Variants in UGT1A10 observed in about 807,000 individuals in gnomAD.
UGT1A10 encodes the protein UDP-glucuronosyltransferase 1A10.
A neutral mutation model predicts 45.8 loss-of-function variants in UGT1A10; 49 were observed. The ratio of observed to expected loss-of-function variants is 1.07; its 90% CI spans 0.85 to 1.36. The LOEUF (loss-of-function observed/expected upper bound fraction) is 1.36. Among genes scored for constraint, UGT1A10 ranks in the 40% most tolerant of loss-of-function variants. The probability of loss-of-function intolerance (pLI) is 0.00; values close to 1 mark genes in which losing one functional copy is unlikely to be tolerated. For synonymous variants in UGT1A10, 284 were observed against 249.7 expected (o/e 1.14, Z -1.29); for missense variants, 745 against 668.6 (o/e 1.11, Z -1.26).
chr2:233,742,149 G>A (rs1392863105), intron 1 of UGT1A10, among the ~76,000 whole-genome samples: 1 of 151,848 alleles, frequency 6.6e-6, no homozygotes, highest in Non-Finnish European at 1.5e-5. Context: ...AGCGCTAGAC[G>A]AATTAAAGAC....
intron 1 of UGT1A10, chr2:233,682,378 C>T (rs763404567): frequency 7.4e-6 from 12 of 1,613,940 alleles, no homozygotes; most frequent in South Asian, 1.1e-5. Flanking sequence ...CAGTGTTTCT[C>T]GATCCTTTTG....
In UGT1A10 at chr2:233,768,227, G is replaced by A. The variant is rs751408172; in HGVS notation, c.1083G>A (p.Pro361=). The part of the protein sequence containing the change: ...WLPQNDLLGH[P]MTRAFITHAG... The stretch of plus-strand genomic sequence containing the variant: ...CCCTATTTTGCATCTCAGGTCACCC[G>A]ATGACCCGTGCCTTTATCACCCATG... Residue 361 remains proline, a synonymous_variant, in exon 4 of 5, where the codon CCG becomes CCA. Transcript: ENST00000344644. 1.3e-5 allele frequency: 21 copies of A among 1,614,014 alleles called. No individual in the cohort carries two copies. The highest frequency in any genetic ancestry group is 8.3e-5 in the Admixed American group (5 of 59,996).
chr2:233,753,174 A>G (rs1695146972), intron 1 of UGT1A10: 2 of 152,226 alleles, frequency 1.3e-5, no homozygotes, highest in South Asian at 4.1e-4. Context: ...ATCACTAAAA[A>G]ATGAACTCAT....
chr2:233,724,364 G>C (rs1172748596), intron 1 of UGT1A10, among the ~76,000 whole-genome samples: 12 of 145,710 alleles, frequency 8.2e-5, no homozygotes, highest in Non-Finnish European at 1.2e-4. Flanking sequence ...CCTCCCGGAC[G>C]GGGTGGCTGC....
At chr2:233,690,520 G>T (rs899675613) in intron 1 of UGT1A10, 2 of 1,289,308 alleles carry the variant, frequency 1.6e-6, no homozygotes, top group Non-Finnish European at 2.0e-6. Context: ...TTTATCTTAG[G>T]ATCTACTTCT....
chr2:233,711,548 T>C (rs532543764), intron 1 of UGT1A10, among the ~76,000 whole-genome samples: 27 of 152,192 alleles, frequency 1.8e-4, no homozygotes, highest in Non-Finnish European at 3.4e-4. Context: ...CATCCTCCCC[T>C]GGAGAGTTCC....
chr2:233,765,069 C>A (rs1391556696), intron 1 of UGT1A10, among the ~76,000 whole-genome samples: 2 of 152,082 alleles, frequency 1.3e-5, no homozygotes, highest in Non-Finnish European at 2.9e-5. Context: ...CAGAGGTCTC[C>A]TGTGTCTCAC....
intron 1 of UGT1A10, among the ~76,000 whole-genome samples, chr2:233,714,659 C>A (rs2076403929): frequency 6.6e-6 from 1 of 152,156 alleles, no homozygotes; most frequent in Admixed American, 6.5e-5. Flanking sequence ...TTTTATTTAA[C>A]CAGATGTATC....
intron 4 of UGT1A10, 114 bp downstream of exon 4, chr2:233,768,553 AT>A (rs1280927222): frequency 2.3e-5 from 34 of 1,477,264 alleles, no homozygotes; most frequent in Non-Finnish European, 2.9e-5. Context: ...ATAAAAACAA[AT>A]ACATAAAAAT....
intron 1 of UGT1A10, among the ~76,000 whole-genome samples, chr2:233,699,316 A>G (rs1346497973): frequency 6.6e-6 from 1 of 151,896 alleles, no homozygotes; most frequent in African/African-American, 2.4e-5. Context: ...CCTTTTTGCT[A>G]TTTTGTTGAG....
intron 1 of UGT1A10, among the ~76,000 whole-genome samples, chr2:233,669,835 C>A (rs1575413694): frequency 2.0e-5 from 3 of 152,198 alleles, no homozygotes; most frequent in Non-Finnish European, 4.4e-5. Flanking sequence ...AGGCATGCAC[C>A]ACCACCTGCA....
chr2:233,645,897 T>C (rs2073589160), intron 1 of UGT1A10, among the ~76,000 whole-genome samples: 1 of 152,230 alleles, frequency 6.6e-6, no homozygotes, highest in Non-Finnish European at 1.5e-5. Context: ...AGTCCCCCAG[T>C]TGTTGCTCTG....
At chr2:233,646,667 G>A (rs1182631019) in intron 1 of UGT1A10, among the ~76,000 whole-genome samples, 1 of 152,148 alleles carries the variant, frequency 6.6e-6, no homozygotes, top group Non-Finnish European at 1.5e-5. Flanking sequence ...TTCCCAACGA[G>A]TTCCTCATCT....
chr2:233,767,781 T>C (rs1559414457), intron 2 of UGT1A10, 68 bp from the exon 3 acceptor site: 3 of 1,613,388 alleles, frequency 1.9e-6, no homozygotes, highest in East Asian at 2.2e-5. Context: ...TTCTAGTTAG[T>C]ATAGCAGATT....
At chr2:233,754,911 T>G (rs1467040876) in intron 1 of UGT1A10, 5 of 1,353,490 alleles carry the variant, frequency 3.7e-6, no homozygotes, top group Non-Finnish European at 5.0e-6. Flanking sequence ...CAAAATATTC[T>G]CCAGCGGGTT....
chr2:233,707,035 T>A (rs1409534303), intron 1 of UGT1A10, among the ~76,000 whole-genome samples: 1 of 152,090 alleles, frequency 6.6e-6, no homozygotes, highest in African/African-American at 2.4e-5. Context: ...GCCCCCAAGG[T>A]AGAGGAAGCT....
At chr2:233,689,324 T>C (rs1400176387) in intron 1 of UGT1A10, among the ~76,000 whole-genome samples, 1 of 152,182 alleles carries the variant, frequency 6.6e-6, no homozygotes, top group Non-Finnish European at 1.5e-5. Flanking sequence ...ACATCTACAC[T>C]GAGATTTGCA....
At chr2:233,734,127 G>A (rs549754021) in intron 1 of UGT1A10, among the ~76,000 whole-genome samples, 274 of 151,640 alleles carry the variant, frequency 1.8e-3, no homozygotes, top group Non-Finnish European at 3.0e-3. Context: ...ATAATAAAAA[G>A]AATTTGGCTG....
At chr2:233,692,108 A>T (rs1183375551) in intron 1 of UGT1A10, 1 of 152,198 alleles carries the variant, frequency 6.6e-6, no homozygotes, top group African/African-American at 2.4e-5. Flanking sequence ...GATGGGCAAC[A>T]ATCTAATCAA....
Sources: allele counts gnomAD v4.1 joint callset (sites outside exome capture counted in the v4.1 genomes callset), GRCh38; gene constraint gnomAD v4.1.1; transcripts MANE v1.5; gene names NCBI Gene and HGNC (gene_info 2026-07-23, HGNC 2026-07-21).